The following SGK1 variants were observed in gnomAD, a reference collection of about 807,000 sequenced individuals.
SGK1 encodes the protein serum/glucocorticoid regulated kinase 1.
In SGK1, 26 loss-of-function variants were observed where a neutral mutation model predicts 64.2. The observed-to-expected ratio is 0.40, with a 90% CI of 0.30 to 0.56. SGK1 has a LOEUF of 0.56. Ranked by LOEUF, SGK1 falls within the 20% of genes least tolerant of loss-of-function variation. The pLI is 0.38. For missense variants in SGK1, 519 were observed against 645.6 expected, an observed-to-expected ratio of 0.80 and a Z score of 2.12; for synonymous variants, 265 against 239.7, an observed-to-expected ratio of 1.11 and a Z score of -0.98.
chr6:134,257,979 C>T (rs952611160), intron 2 of SGK1, among the ~76,000 whole-genome samples: 3 of 152,186 alleles, frequency 2.0e-5, no homozygotes, highest in Admixed American at 2.0e-4. Flanking sequence ...TTACTACCGG[C>T]TTCTGCATCT....
intron 2 of SGK1, among the ~76,000 whole-genome samples, chr6:134,235,846 A>G (rs1018990596): frequency 6.6e-6 from 1 of 152,034 alleles, no homozygotes; most frequent in Non-Finnish European, 1.5e-5. Flanking sequence ...AAGTGCTGGG[A>G]TTATAGGTGT....
chr6:134,264,121 CTTTT>C (rs61245102), intron 1 of SGK1, among the ~76,000 whole-genome samples: 1 of 140,200 alleles, frequency 7.1e-6, no homozygotes, highest in African/African-American at 2.6e-5. Flanking sequence ...TCTTTTCTTT[CTTTT>C]TTTTTTTTTT....
At chr6:134,201,658 G>A (rs1407476716) in intron 3 of SGK1, among the ~76,000 whole-genome samples, 1 of 152,046 alleles carries the variant, frequency 6.6e-6, no homozygotes, top group African/African-American at 2.4e-5. Context: ...CACCACACCC[G>A]ACCTATTATT....
chr6:134,280,021 C>G (rs889080489), intron 1 of SGK1, among the ~76,000 whole-genome samples: 1 of 151,876 alleles, frequency 6.6e-6, no homozygotes, highest in Non-Finnish European at 1.5e-5. Context: ...AGTGAGATCT[C>G]ATCTCTACAA....
intron 3 of SGK1, among the ~76,000 whole-genome samples, chr6:134,191,035 T>TA (rs1775501765): frequency 6.6e-6 from 1 of 152,186 alleles, no homozygotes; most frequent in South Asian, 2.1e-4. Context: ...AGAGACTGGG[T>TA]AAAAGCATGT....
At chr6:134,217,039 C>G (rs1775997974) in intron 2 of SGK1, among the ~76,000 whole-genome samples, 1 of 152,138 alleles carries the variant, frequency 6.6e-6, no homozygotes, top group African/African-American at 2.4e-5. Context: ...ATTCAGAAGG[C>G]TTGGCAGTTT....
intron 2 of SGK1, among the ~76,000 whole-genome samples, chr6:134,256,046 T>C (rs1776678489): frequency 6.6e-6 from 1 of 152,094 alleles, no homozygotes; most frequent in African/African-American, 2.4e-5. Flanking sequence ...TCTTGGTAGA[T>C]ATTTTTCTTC....
At chr6:134,299,390 AT>A (rs1346581482) in intron 1 of SGK1, among the ~76,000 whole-genome samples, 3 of 152,140 alleles carry the variant, frequency 2.0e-5, no homozygotes, top group African/African-American at 7.2e-5. Context: ...AACAAAAAAA[AT>A]AATAGCTGAG....
At chr6:134,199,934 T>G (rs1360063560) in intron 3 of SGK1, among the ~76,000 whole-genome samples, 2 of 152,208 alleles carry the variant, frequency 1.3e-5, no homozygotes, top group Non-Finnish European at 2.9e-5. Context: ...TCAATCTTGT[T>G]GTTTAACCAC....
chr6:134,259,964 C>T (rs1311913230), intron 2 of SGK1: 1 of 152,158 alleles, frequency 6.6e-6, no homozygotes, highest in Non-Finnish European at 1.5e-5. Flanking sequence ...TGTAAATCAG[C>T]AAACATGAGC....
chr6:134,239,034 T>G (rs1041968147), intron 2 of SGK1, among the ~76,000 whole-genome samples: 1 of 152,236 alleles, frequency 6.6e-6, no homozygotes, highest in Non-Finnish European at 1.5e-5. Context: ...AGAAGCATGC[T>G]AAACAGCATT....
Position 134,197,872 on chromosome 6 carries a change from AATAAAAT to A in SGK1, c.361+9477_361+9483del, listed in dbSNP as rs1339094391. ...ATAAAATAAAATTAAATTAAAATAA[AATAAAAT>A]ATAAAATAAAATAAAATAAAATATA... On this transcript the variant is annotated intron_variant, in intron 3 of 13. Transcript: ENST00000367858. Among the ~76,000 whole-genome samples, 143 of 101,878 alleles carry A rather than the reference AATAAAAT, an allele frequency of 1.4e-3. 1 individual carries two copies. Among genetic ancestry groups the A allele is most frequent in the African/African-American group, 4.8e-3 (134 of 28,204 alleles). 66.8% of individuals were successfully genotyped at this position (101,878 alleles called of 152,430 possible).
chr6:134,274,051 T>C (rs1776982631), intron 1 of SGK1, among the ~76,000 whole-genome samples: 1 of 152,150 alleles, frequency 6.6e-6, no homozygotes, highest in Non-Finnish European at 1.5e-5. Flanking sequence ...TAACCCAGGC[T>C]GGAGTGCAGT....
chr6:134,252,616 CAA>C (rs11418007), intron 2 of SGK1, among the ~76,000 whole-genome samples: 2 of 65,990 alleles, frequency 3.0e-5, no homozygotes, highest in Non-Finnish European at 5.0e-5. Flanking sequence ...GATTCCACCT[CAA>C]AAAAAAAAAA....
intron 1 of SGK1, chr6:134,297,639 A>G: frequency 2.3e-6 from 1 of 439,312 alleles, no homozygotes; most frequent in Non-Finnish European, 4.3e-6. Flanking sequence ...AGTAGCTGCA[A>G]TTACAGGCGT....
intron 2 of SGK1, among the ~76,000 whole-genome samples, chr6:134,212,482 C>T (rs982533400): frequency 6.6e-6 from 1 of 152,110 alleles, no homozygotes; most frequent in African/African-American, 2.4e-5. Flanking sequence ...GTTAACCAGC[C>T]CTCTTCCCTT....
At chr6:134,299,683 TAA>T (rs909975422) in intron 1 of SGK1, among the ~76,000 whole-genome samples, 1 of 150,880 alleles carries the variant, frequency 6.6e-6, no homozygotes, top group East Asian at 1.9e-4. Context: ...GTAAACCACT[TAA>T]AAAAAAAGAT....
At chr6:134,176,082 G>T in intron 3 of SGK1, 1 of 720,944 alleles carries the variant, frequency 1.4e-6, no homozygotes, top group Non-Finnish European at 1.7e-6. Flanking sequence ...TCTCTGCCAT[G>T]CCAAGAACAC....
intron 2 of SGK1, among the ~76,000 whole-genome samples, chr6:134,210,953 C>T (rs1367202298): frequency 6.6e-6 from 1 of 151,878 alleles, no homozygotes; most frequent in Non-Finnish European, 1.5e-5. Context: ...GGTGAAACCC[C>T]GTCTCTACTA....
Sources: allele counts gnomAD v4.1 joint callset (sites outside exome capture counted in the v4.1 genomes callset), GRCh38; gene constraint gnomAD v4.1.1; transcripts MANE v1.5; gene names NCBI Gene and HGNC (gene_info 2026-07-23, HGNC 2026-07-21).